ZNF283: variants seen among roughly 807,000 people sequenced by gnomAD.
ZNF283 encodes the protein zinc finger protein 41.
ZNF283 carries 10 observed loss-of-function variants against 9.2 expected under a neutral mutation model. The ratio of observed to expected loss-of-function variants is 1.09; its 90% CI spans 0.67 to 1.85. The LOEUF is 1.85. Ranked by LOEUF, ZNF283 falls within the 40% of genes most tolerant of loss-of-function variation. ZNF283 has a pLI of 0.00. For synonymous variants in ZNF283, 234 were observed against 244.1 expected, an observed-to-expected ratio of 0.96 and a Z score of 0.38; for missense variants, 631 against 760.1, an observed-to-expected ratio of 0.83 and a Z score of 2.00.
chr19:43,843,137 T>C (rs1412419322), intron 6 of ZNF283, among the ~76,000 whole-genome samples: 1 of 152,122 alleles, frequency 6.6e-6, no homozygotes, highest in Admixed American at 6.5e-5. Flanking sequence ...GGTTAAGAGA[T>C]CGAGACCATC....
intron 6 of ZNF283, chr19:43,837,794 T>C (rs1971043798): frequency 6.6e-6 from 1 of 152,210 alleles, no homozygotes; most frequent in South Asian, 2.1e-4. Flanking sequence ...TATGTGAATA[T>C]CTGGCGGAGG....
chr19:43,830,371 C>A (rs746179806), intron 2 of ZNF283, among the ~76,000 whole-genome samples: 5 of 152,020 alleles, frequency 3.3e-5, no homozygotes, highest in Admixed American at 2.0e-4. Context: ...AGCCACTGTG[C>A]CCAGCCTTAC....
At position 43,847,373 on chromosome 19, in the gene ZNF283, A is replaced by ACTG; in HGVS notation, c.773_775dup (p.Thr258_Gly259insAla). On this transcript the variant is annotated inframe_insertion, in exon 7 of 7. Transcript: ENST00000618787. ...ACTCAATGTGCATCAGAGATTTCATACTGGTGAGAAACCCTATGAGTGTAA... is the reference window on the plus strand; with the variant it reads ...ACTCAATGTGCATCAGAGATTTCATACTGCTGGTGAGAAACCCTATGAGTGTAA... 1.2e-6 allele frequency: 2 copies of ACTG among 1,614,066 alleles called. No individual in the cohort carries two copies. The highest frequency in any genetic ancestry group is 1.7e-6 in the Non-Finnish European group (2 of 1,179,944).
chr19:43,830,421 C>T (rs1162694936), intron 2 of ZNF283, among the ~76,000 whole-genome samples: 1 of 152,050 alleles, frequency 6.6e-6, no homozygotes, highest in African/African-American at 2.4e-5. Flanking sequence ...GTTCCATTGA[C>T]GAGCTTCCAG....
chr19:43,829,979 C>T (rs915748597), intron 2 of ZNF283, among the ~76,000 whole-genome samples: 2 of 152,152 alleles, frequency 1.3e-5, no homozygotes, highest in African/African-American at 2.4e-5. Context: ...GCCGAGATCG[C>T]GCCACTGCAC....
chr19:43,843,660 T>G (rs556192676), intron 6 of ZNF283, among the ~76,000 whole-genome samples: 133 of 152,340 alleles, frequency 8.7e-4, no homozygotes, highest in African/African-American at 3.1e-3. Context: ...TACGTCAACA[T>G]TTCAAAGATC....
At chr19:43,830,177 C>T (rs368359793) in intron 2 of ZNF283, among the ~76,000 whole-genome samples, 1 of 152,274 alleles carries the variant, frequency 6.6e-6, no homozygotes, top group Middle Eastern at 3.4e-3. Flanking sequence ...TAGGCTCAAG[C>T]GATCCTCCCA....
rs1970703525 is a variant in ZNF283 at position 43,831,398 on chromosome 19, T to G, written c.-1+17T>G. On this transcript the variant is annotated intron_variant, in intron 3 of 6. Coordinates refer to ENST00000618787, the MANE Select transcript of ZNF283 (RefSeq NM_181845.2). ...CGAGAGCTGGTAGGTGTAAATTGTT[T>G]CAGGCCCACTGATTTTCAGTGTTGG... 4 of 1,589,376 alleles carry G rather than the reference T, an allele frequency of 2.5e-6. No homozygotes were observed. In the Admixed American group the frequency reaches 5.1e-5, roughly 20 times the overall value.
Position 43,848,196 on chromosome 19 carries a change from A to T in ZNF283, c.1595A>T (p.Gln532Leu), listed in dbSNP as rs2146591956. 6.2e-7 allele frequency: 1 copy of T among 1,613,986 alleles called. No homozygotes were observed. The highest frequency in any genetic ancestry group is 1.7e-5 in the Admixed American group (1 of 60,014). Reference sequence around the variant, plus strand: ...TTTAATTGTGGATCAAGCCTTGTTCAACATGAAAGAATCCATACAGGGGAG... The same window carrying T: ...TTTAATTGTGGATCAAGCCTTGTTCTACATGAAAGAATCCATACAGGGGAG... ...KAFNCGSSLV[Q>L]HERIHTGEKP... is the part of the protein sequence containing the mutation. Residue 532 changes from glutamine to leucine, a missense_variant, in exon 7 of 7, where the codon CAA becomes CTA. This residue lies in a region of ZNF283 where 444 missense variants were observed against 522.5 expected (regional missense o/e 0.85). Transcript: ENST00000618787.
At chr19:43,832,633 A>G (rs1214400835) in intron 3 of ZNF283, among the ~76,000 whole-genome samples, 3 of 152,234 alleles carry the variant, frequency 2.0e-5, no homozygotes, top group African/African-American at 7.2e-5. Context: ...TGAGAAAGAC[A>G]CATTTTACTG....
chr19:43,832,947 G>C (rs1050064152), intron 3 of ZNF283, among the ~76,000 whole-genome samples: 2 of 148,672 alleles, frequency 1.3e-5, no homozygotes, highest in Non-Finnish European at 3.0e-5. Context: ...AGGATCACTT[G>C]AGCCCAGGAG....
At chr19:43,840,416 A>C (rs1374943692) in intron 6 of ZNF283, among the ~76,000 whole-genome samples, 1 of 152,086 alleles carries the variant, frequency 6.6e-6, no homozygotes, top group Non-Finnish European at 1.5e-5. Context: ...CCAGGTCCCA[A>C]CCGGCTGTTC....
intron 2 of ZNF283, among the ~76,000 whole-genome samples, chr19:43,830,771 C>T (rs1409237982): frequency 6.6e-6 from 1 of 151,718 alleles, no homozygotes; most frequent in Non-Finnish European, 1.5e-5. Flanking sequence ...GGCGTGGTGG[C>T]GTGCACCTGT....
chr19:43,846,002 G>A (rs927755366), intron 6 of ZNF283, among the ~76,000 whole-genome samples: 1 of 152,054 alleles, frequency 6.6e-6, no homozygotes, highest in African/African-American at 2.4e-5. Context: ...TTTAACAATG[G>A]TCAAGAAATA....
At chr19:43,841,863 C>G (rs1417854912) in intron 6 of ZNF283, among the ~76,000 whole-genome samples, 1 of 152,130 alleles carries the variant, frequency 6.6e-6, no homozygotes, top group African/African-American at 2.4e-5. Flanking sequence ...GATTAGACAG[C>G]TATGATTCTT....
intron 5 of ZNF283, among the ~76,000 whole-genome samples, chr19:43,836,307 G>A (rs1042758440): frequency 6.6e-6 from 1 of 152,094 alleles, no homozygotes; most frequent in Admixed American, 6.6e-5. Flanking sequence ...TAAAGATTTT[G>A]TAGTACATTT....
rs1376516427 is a variant in ZNF283 at position 43,848,756 on chromosome 19, T to C, written c.*115T>C. On this transcript the variant is annotated 3_prime_UTR_variant, in exon 7 of 7. Transcript: ENST00000618787. ...GGGTTGTGCAAAAGCCATTCATTTC[T>C]GTTTATGGGCAATTATCTTGCTATC... 4 of 1,014,092 alleles carry C rather than the reference T, an allele frequency of 3.9e-6. No homozygotes were observed. The highest frequency in any genetic ancestry group is 5.5e-6 in the Non-Finnish European group (4 of 726,156). 62.8% of individuals were successfully genotyped at this position (1,014,092 alleles called of 1,614,324 possible).
chr19:43,847,958 C>T lies in ZNF283; in HGVS notation c.1357C>T (p.His453Tyr), dbSNP rs1277455051. 1.2e-6 allele frequency: 2 copies of T among 1,613,848 alleles called. No homozygotes were observed. Among genetic ancestry groups the T allele is most frequent in the South Asian group, 2.2e-5 (2 of 91,058 alleles). Residue 453 changes from histidine (H) to tyrosine (Y), a missense_variant, in exon 7 of 7, where the codon CAT (histidine) becomes TAT (tyrosine). Coordinates refer to ENST00000618787, the MANE Select transcript of ZNF283 (RefSeq NM_181845.2). ...GYHLSQHQKI[H>Y]TGEKPFECKE... ...TCACCTTTCTCAACATCAGAAAATC[C>T]ATACTGGTGAGAAACCTTTTGAATG...
At position 43,833,138 on chromosome 19, in the gene ZNF283, G is replaced by T. The variant is rs150312324; in HGVS notation, c.1-367G>T. On this transcript the variant is annotated intron_variant, in intron 3 of 6. Transcript: ENST00000618787. ...TCTATGGTAGACACTGTTCTCACCC[G>T]TCTTACTGATGAGGAAACAGAGGTA... Among the ~76,000 whole-genome samples, 376 of 151,696 alleles carry T rather than the reference G, an allele frequency of 2.5e-3. 2 individuals carry two copies. Among genetic ancestry groups the T allele is most frequent in the African/African-American group, 8.7e-3 (361 of 41,366 alleles).
Sources: allele counts gnomAD v4.1 joint callset (sites outside exome capture counted in the v4.1 genomes callset), GRCh38; gene constraint gnomAD v4.1.1; regional missense constraint gnomAD v4.1.1; transcripts MANE v1.5; gene names NCBI Gene and HGNC (gene_info 2026-07-23, HGNC 2026-07-21).